The following TPPP3 variants were observed in gnomAD, a reference collection of about 807,000 sequenced individuals.
The protein encoded by TPPP3 is tubulin polymerization promoting protein family member 3.
A neutral mutation model predicts 13.1 loss-of-function variants in TPPP3; 7 were observed. The observed-to-expected ratio is 0.54, with a 90% CI of 0.30 to 1.01. TPPP3 has a LOEUF of 1.01. Among genes scored for constraint, TPPP3 ranks in the 50% least tolerant of loss-of-function variants. The pLI, the probability that TPPP3 is intolerant of heterozygous loss-of-function variation, is 0.06. For missense variants in TPPP3, 185 were observed against 235.0 expected (o/e 0.79, Z 1.39); for synonymous variants, 87 against 93.7 (o/e 0.93, Z 0.41).
Position 67,393,120 on chromosome 16 carries a change from A to G in TPPP3, c.-7+260T>C. 1 of 802,662 alleles carries G rather than the reference A, an allele frequency of 1.2e-6. No homozygotes were observed. Among genetic ancestry groups the G allele is most frequent in the Non-Finnish European group, 1.5e-6 (1 of 662,680 alleles). 49.7% of individuals were successfully genotyped at this position (802,662 alleles called of 1,614,324 possible). A position where few individuals can be genotyped will look rare whatever the true frequency, so the allele number is the denominator to read the frequency against. On this transcript the variant is annotated intron_variant, in intron 1 of 3. Transcript: ENST00000393957. This position sits in a 1 kb window ranked among gnomAD's most constrained non-coding sequence, Gnocchi z 5.4. ...GCAGGCCGCAGCCCCATGGGTCTGC[A>G]GGCCATGGATGGAGTGGCCACACCC... is the stretch of plus-strand genomic sequence containing the variant.
rs763868988 is a variant in TPPP3 at position 67,392,231 on chromosome 16, C to T, written c.-6-1114G>A. On this transcript the variant is annotated intron_variant, in intron 1 of 3. Transcript: ENST00000393957. This position sits in a 1 kb window ranked among gnomAD's most constrained non-coding sequence, Gnocchi z 4.9. ...CCATCTTCACACCCACAGCCACAGC[C>T]CTCGGCCACCAGCCCCCACATATAT... 7.2e-5 allele frequency among the ~76,000 whole-genome samples: 11 copies of T among 151,960 alleles called. No homozygotes were observed. The highest frequency in any genetic ancestry group is 1.6e-4 in the Non-Finnish European group (11 of 67,958).
rs1312628382 is a variant in TPPP3 at position 67,393,446 on chromosome 16, G to C, written c.-73C>G. On this transcript the variant is annotated 5_prime_UTR_variant, in exon 1 of 4. Transcript: ENST00000393957. This position sits in a 1 kb window ranked among gnomAD's most constrained non-coding sequence, Gnocchi z 5.4. The stretch of plus-strand genomic sequence containing the variant: ...GACGCAGGAATGGACCGATGGACGC[G>C]GGAGACCAGGCGGCTCCGCAGCTCC... 1.0e-6 allele frequency: 1 copy of C among 985,608 alleles called. No individual in the cohort carries two copies. Among genetic ancestry groups the C allele is most frequent in the Non-Finnish European group, 1.2e-6 (1 of 830,050 alleles). The allele number at this position is 985,608 out of a possible 1,614,324, so 61.1% of individuals were successfully genotyped here.
chr16:67,390,403 G>A lies in TPPP3; in HGVS notation c.343-41C>T, dbSNP rs778939591. ...TTCCCCAGGGGCACCTGATGAGGGA[G>A]CCCAGCCCTTCCCACCCACAGCCAC... On this transcript the variant is annotated intron_variant, in intron 3 of 3. Coordinates refer to ENST00000393957, the MANE Select transcript of TPPP3 (RefSeq NM_015964.4). The surrounding 1 kb of genome is among the most constrained non-coding windows in gnomAD (Gnocchi z 6.4). 4 of 1,608,396 alleles carry A rather than the reference G, an allele frequency of 2.5e-6. No individual in the cohort carries two copies. The Admixed American group carries it at 6.7e-5, about 27-fold the overall frequency.
rs964054035 is a variant in TPPP3 at position 67,390,180 on chromosome 16, C to G, written c.525G>C (p.Lys175Asn). 6.2e-7 allele frequency: 1 copy of G among 1,613,916 alleles called. No individual in the cohort carries two copies. The highest frequency in any genetic ancestry group is 1.3e-5 in the African/African-American group (1 of 74,944). The change falls in exon 4 of 4, where the codon AAG becomes AAC. Residue 175 changes from lysine to asparagine, a missense_variant. Transcript: ENST00000393957. This position sits in a 1 kb window ranked among gnomAD's most constrained non-coding sequence, Gnocchi z 6.4. ...AGGGCGGTCTTCCCAAGCCTCACTTCTTCACCTTGGCATCGTAGGTGCCTG... is the reference window on the plus strand; with the variant it reads ...AGGGCGGTCTTCCCAAGCCTCACTTGTTCACCTTGGCATCGTAGGTGCCTG... ...KNAGTYDAKV[K>N]K
At position 67,391,025 on chromosome 16, in the gene TPPP3, C is replaced by G; in HGVS notation, c.87G>C (p.Glu29Asp). 4 of 1,614,250 alleles carry G rather than the reference C, an allele frequency of 2.5e-6. No individual in the cohort carries two copies. Among genetic ancestry groups the G allele is most frequent in the Non-Finnish European group, 2.5e-6 (3 of 1,180,046 alleles). ...IHGDPKASGQ[E>D]MNGKNWAKLC... The stretch of plus-strand genomic sequence containing the variant: ...GCTTGGCCCAGTTCTTGCCATTCAT[C>G]TCTTGCCCACTGGCCTTGGGGTCAC... Residue 29 changes from glutamate (E) to aspartate (D), a missense_variant, in exon 2 of 4, where the codon GAG (glutamate) becomes GAC (aspartate). Coordinates refer to ENST00000393957, the MANE Select transcript of TPPP3 (RefSeq NM_015964.4). This position sits in a 1 kb window ranked among gnomAD's most constrained non-coding sequence, Gnocchi z 6.3.
At position 67,390,035 on chromosome 16, in the gene TPPP3, C is replaced by T. The variant is rs2040305156; in HGVS notation, c.*139G>A. 2.2e-6 allele frequency: 2 copies of T among 908,644 alleles called. No individual in the cohort carries two copies. Among genetic ancestry groups the T allele is most frequent in the African/African-American group, 1.7e-5 (1 of 59,700 alleles). The allele number at this position is 908,644 out of a possible 1,614,324, so 56.3% of individuals were successfully genotyped here. ...GGGTCAGAGGCCTGGTGGGCCAGCC[C>T]AGTGGGACTAGGCAGGAAGCTCTGG... On this transcript the variant is annotated 3_prime_UTR_variant, in exon 4 of 4. Transcript: ENST00000393957. The surrounding 1 kb of genome is among the most constrained non-coding windows in gnomAD (Gnocchi z 6.4).
chr16:67,390,218 C>T lies in TPPP3; in HGVS notation c.487G>A (p.Ala163Thr), dbSNP rs1181019161. 17 of 1,614,238 alleles carry T rather than the reference C, an allele frequency of 1.1e-5. No homozygotes were observed. Among genetic ancestry groups the T allele is most frequent in the Non-Finnish European group, 1.3e-5 (15 of 1,180,032 alleles). Residue 163 changes from alanine (A) to threonine (T), a missense_variant, in exon 4 of 4, where the codon GCC (alanine) becomes ACC (threonine). Ala to Thr is a moderately conservative substitution (Grantham distance 58). Transcript: ENST00000393957. The surrounding 1 kb of genome is among the most constrained non-coding windows in gnomAD (Gnocchi z 6.4). ...DILDDSGYVS[A>T]YKNAGTYDAK... ...TCGTAGGTGCCTGCATTCTTGTAGG[C>T]GCTCACGTAGCCACTGTCGTCCAGG... is the stretch of plus-strand genomic sequence containing the variant.
Position 67,393,138 on chromosome 16 carries a change from C to A in TPPP3, c.-7+242G>T. The A allele has an allele frequency of 1.4e-6, 1 of 731,260 alleles. No homozygotes were observed. The highest frequency in any genetic ancestry group is 1.7e-6 in the Non-Finnish European group (1 of 597,698). The allele number at this position is 731,260 out of a possible 1,614,324, so 45.3% of individuals were successfully genotyped here. On this transcript the variant is annotated intron_variant, in intron 1 of 3. Coordinates refer to ENST00000393957, the MANE Select transcript of TPPP3 (RefSeq NM_015964.4). The surrounding 1 kb of genome is among the most constrained non-coding windows in gnomAD (Gnocchi z 5.4). The stretch of plus-strand genomic sequence containing the variant: ...GGTCTGCAGGCCATGGATGGAGTGG[C>A]CACACCCGTGAACTGGAGCCACCCG...
chr16:67,390,179 T>A lies in TPPP3; in HGVS notation c.526A>T (p.Lys176Ter). Residue 176 changes from lysine (K) to a stop codon, truncating the protein, a stop_gained, in exon 4 of 4, where the codon AAG (lysine) becomes TAG (stop). Coordinates refer to ENST00000393957, the MANE Select transcript of TPPP3 (RefSeq NM_015964.4). LOFTEE classifies it high-confidence loss of function. The surrounding 1 kb of genome is among the most constrained non-coding windows in gnomAD (Gnocchi z 6.4). ...CAGGGCGGTCTTCCCAAGCCTCACTTCTTCACCTTGGCATCGTAGGTGCCT... is the reference window on the plus strand; with the variant it reads ...CAGGGCGGTCTTCCCAAGCCTCACTACTTCACCTTGGCATCGTAGGTGCCT... ...NAGTYDAKVK[K>*] The A allele has an allele frequency of 1.2e-6, 2 of 1,614,010 alleles. No individual in the cohort carries two copies. The highest frequency in any genetic ancestry group is 2.7e-5 in the African/African-American group (2 of 75,044).
chr16:67,390,291 G>A lies in TPPP3; in HGVS notation c.414C>T (p.Arg138=). The change falls in exon 4 of 4, where the codon CGC becomes CGT. Residue 138 remains arginine (R), a synonymous_variant. Transcript: ENST00000393957. The surrounding 1 kb of genome is among the most constrained non-coding windows in gnomAD (Gnocchi z 6.4). The part of the protein sequence containing the change: ...TSRYTGSHKE[R]FDESGKGKGI... ...CCTTGCCCTTGCCGCTCTCATCGAA[G>A]CGCTCCTTGTGGGAGCCCGTGTATC... 2.5e-6 allele frequency: 4 copies of A among 1,614,200 alleles called. No individual in the cohort carries two copies. Among genetic ancestry groups the A allele is most frequent in the Non-Finnish European group, 3.4e-6 (4 of 1,180,030 alleles).
rs1217968891 is a variant in TPPP3, at chr16:67,390,097, G to C, written c.*77C>G. On this transcript the variant is annotated 3_prime_UTR_variant, in exon 4 of 4. Transcript: ENST00000393957. This position sits in a 1 kb window ranked among gnomAD's most constrained non-coding sequence, Gnocchi z 6.4. ...AGCAGGGAGGGGACCAGGATCTCTT[G>C]CTCCACGTGCCCCTTAGACCCAGGC... 6.8e-7 allele frequency: 1 copy of C among 1,465,746 alleles called. No individual in the cohort carries two copies. The highest frequency in any genetic ancestry group is 9.3e-7 in the Non-Finnish European group (1 of 1,074,852). The allele number at this position is 1,465,746 out of a possible 1,614,324, so 90.8% of individuals were successfully genotyped here. A position where few individuals can be genotyped will look rare whatever the true frequency, so the allele number is the denominator to read the frequency against.
Position 67,393,338 on chromosome 16 carries a change from T to A in TPPP3, c.-7+42A>T, listed in dbSNP as rs1597525224. On this transcript the variant is annotated intron_variant, in intron 1 of 3. Coordinates refer to ENST00000393957, the MANE Select transcript of TPPP3 (RefSeq NM_015964.4). This position sits in a 1 kb window ranked among gnomAD's most constrained non-coding sequence, Gnocchi z 5.4. ...CCCCAACCCTCATCGTGCAGGATACTGATTGGGGTGGCGGGCATCTGGGTC... is the reference window on the plus strand; with the variant it reads ...CCCCAACCCTCATCGTGCAGGATACAGATTGGGGTGGCGGGCATCTGGGTC... 2 of 985,456 alleles carry A rather than the reference T, an allele frequency of 2.0e-6. No homozygotes were observed. Among genetic ancestry groups the A allele is most frequent in the Non-Finnish European group, 2.4e-6 (2 of 829,930 alleles). 61.0% of individuals were successfully genotyped at this position (985,456 alleles called of 1,614,324 possible).
At position 67,391,243 on chromosome 16, in the gene TPPP3, G is replaced by C; in HGVS notation, c.-6-126C>G. 1.0e-6 allele frequency: 1 copy of C among 1,004,546 alleles called. No individual in the cohort carries two copies. Among genetic ancestry groups the C allele is most frequent in the Non-Finnish European group, 1.4e-6 (1 of 693,486 alleles). The allele number at this position is 1,004,546 out of a possible 1,614,324, so 62.2% of individuals were successfully genotyped here. A position where few individuals can be genotyped will look rare whatever the true frequency, so the allele number is the denominator to read the frequency against. ...AGGTTCTGCTACAGAGTTGGTGCTG[G>C]AGCTGCCTGGGGAGAGGGGCCCGTC... On this transcript the variant is annotated intron_variant, in intron 1 of 3. Transcript: ENST00000393957. This position sits in a 1 kb window ranked among gnomAD's most constrained non-coding sequence, Gnocchi z 6.3.
In TPPP3 at chr16:67,391,183, T is replaced by C. The variant is rs1597523398; in HGVS notation, c.-6-66A>G. 194 of 1,502,478 alleles carry C rather than the reference T, an allele frequency of 1.3e-4. No individual in the cohort carries two copies. The highest frequency in any genetic ancestry group is 9.1e-5 in the East Asian group (4 of 43,840). 93.1% of individuals were successfully genotyped at this position (1,502,478 alleles called of 1,614,324 possible). A position where few individuals can be genotyped will look rare whatever the true frequency, so the allele number is the denominator to read the frequency against. The stretch of plus-strand genomic sequence containing the variant: ...CTTCCCCTCCCCCAAGCCCAGAACA[T>C]CCCAGCCTCTACCTCAAACCTGCAA... On this transcript the variant is annotated intron_variant, in intron 1 of 3. Coordinates refer to ENST00000393957, the MANE Select transcript of TPPP3 (RefSeq NM_015964.4). This position sits in a 1 kb window ranked among gnomAD's most constrained non-coding sequence, Gnocchi z 6.3.
At position 67,391,187 on chromosome 16, in the gene TPPP3, A is replaced by T; in HGVS notation, c.-6-70T>A. The T allele has an allele frequency of 6.7e-7, 1 of 1,492,884 alleles. No homozygotes were observed. 92.5% of individuals were successfully genotyped at this position (1,492,884 alleles called of 1,614,324 possible). A position where few individuals can be genotyped will look rare whatever the true frequency, so the allele number is the denominator to read the frequency against. On this transcript the variant is annotated intron_variant, in intron 1 of 3. Coordinates refer to ENST00000393957, the MANE Select transcript of TPPP3 (RefSeq NM_015964.4). This position sits in a 1 kb window ranked among gnomAD's most constrained non-coding sequence, Gnocchi z 6.3. ...CCCTCCCCCAAGCCCAGAACATCCCAGCCTCTACCTCAAACCTGCAAGACC... is the reference window on the plus strand; with the variant it reads ...CCCTCCCCCAAGCCCAGAACATCCCTGCCTCTACCTCAAACCTGCAAGACC...
rs1354336637 is a variant in TPPP3 at position 67,393,457 on chromosome 16, C to A, written c.-84G>T. The A allele has an allele frequency of 1.2e-5, 12 of 985,638 alleles. No homozygotes were observed. The highest frequency in any genetic ancestry group is 8.4e-6 in the Non-Finnish European group (7 of 830,088). 61.1% of individuals were successfully genotyped at this position (985,638 alleles called of 1,614,324 possible). Reference sequence around the variant, plus strand: ...GGACCGATGGACGCGGGAGACCAGGCGGCTCCGCAGCTCCGCTCCCTGCCG... The same window carrying A: ...GGACCGATGGACGCGGGAGACCAGGAGGCTCCGCAGCTCCGCTCCCTGCCG... On this transcript the variant is annotated 5_prime_UTR_variant, in exon 1 of 4. Transcript: ENST00000393957. The surrounding 1 kb of genome is among the most constrained non-coding windows in gnomAD (Gnocchi z 5.4).
chr16:67,390,345 A>ACC lies in TPPP3; in HGVS notation c.358_359dup (p.Ala121ValfsTer3). On this transcript the variant is annotated frameshift_variant, in exon 4 of 4. Coordinates refer to ENST00000393957, the MANE Select transcript of TPPP3 (RefSeq NM_015964.4). LOFTEE classifies it high-confidence loss of function. This position sits in a 1 kb window ranked among gnomAD's most constrained non-coding sequence, Gnocchi z 6.4. ...TGGTGTCCGTCAGCCGGTCTACAGC[A>ACC]CCCCCTGTTTTTGCTTTCTGTTTGG... 1 of 1,613,486 alleles carries ACC rather than the reference A, an allele frequency of 6.2e-7. No individual in the cohort carries two copies. Among genetic ancestry groups the ACC allele is most frequent in the African/African-American group, 1.3e-5 (1 of 74,862 alleles).
chr16:67,390,815 T>A lies in TPPP3; in HGVS notation c.188+109A>T. 7.0e-7 allele frequency: 1 copy of A among 1,421,424 alleles called. No individual in the cohort carries two copies. Among genetic ancestry groups the A allele is most frequent in the Non-Finnish European group, 9.5e-7 (1 of 1,058,184 alleles). 88.1% of individuals were successfully genotyped at this position (1,421,424 alleles called of 1,614,324 possible). Reference sequence around the variant, plus strand: ...TAAGGTTTGCCCTGGAAGAACGACCTTCGTGATCATGGTGTTTCCCTGACC... The same window carrying A: ...TAAGGTTTGCCCTGGAAGAACGACCATCGTGATCATGGTGTTTCCCTGACC... On this transcript the variant is annotated intron_variant, in intron 2 of 3. Coordinates refer to ENST00000393957, the MANE Select transcript of TPPP3 (RefSeq NM_015964.4). The surrounding 1 kb of genome is among the most constrained non-coding windows in gnomAD (Gnocchi z 6.4).
Position 67,390,162 on chromosome 16 carries a change from T to C in TPPP3, c.*12A>G. On this transcript the variant is annotated 3_prime_UTR_variant, in exon 4 of 4. Transcript: ENST00000393957. The surrounding 1 kb of genome is among the most constrained non-coding windows in gnomAD (Gnocchi z 6.4). ...GGGGCAGCCGCACTTGGCAGGGCGG[T>C]CTTCCCAAGCCTCACTTCTTCACCT... 6.2e-7 allele frequency: 1 copy of C among 1,610,740 alleles called. No individual in the cohort carries two copies. The highest frequency in any genetic ancestry group is 8.5e-7 in the Non-Finnish European group (1 of 1,177,358).
Sources: allele counts gnomAD v4.1 joint callset (sites outside exome capture counted in the v4.1 genomes callset), GRCh38; gene constraint gnomAD v4.1.1; non-coding constraint Gnocchi (gnomAD v3.1); transcripts MANE v1.5; gene names NCBI Gene and HGNC (gene_info 2026-07-23, HGNC 2026-07-21).